Variants in GRIK4 observed in about 807,000 individuals in gnomAD.
The protein encoded by GRIK4 is glutamate ionotropic receptor kainate type subunit 4, also known as glutamate receptor ionotropic, kainate 4.
Under a neutral mutation model 104.9 loss-of-function variants are expected in GRIK4, and 40 were observed. The ratio of observed to expected loss-of-function variants is 0.38; its 90% CI spans 0.30 to 0.50. The LOEUF is 0.50. Ranked by LOEUF, GRIK4 falls within the 20% of genes least tolerant of loss-of-function variation. The probability of loss-of-function intolerance (pLI) is 0.93; values close to 1 mark genes in which losing one functional copy is unlikely to be tolerated. For synonymous variants in GRIK4, 485 were observed against 524.9 expected (o/e 0.92, Z 1.04); for missense variants, 1,047 against 1,308.1 (o/e 0.80, Z 3.08).
intron 1 of GRIK4, among the ~76,000 whole-genome samples, chr11:120,551,307 C>T (rs1348887328): frequency 1.3e-5 from 2 of 152,278 alleles, no homozygotes; most frequent in Middle Eastern, 3.4e-3. Context: ...TTCTCCTGCC[C>T]GCTTTTCACC....
intron 3 of GRIK4, 143 bp from the exon 4 acceptor site, chr11:120,802,550 G>T (rs1249086994): frequency 2.1e-5 from 15 of 698,828 alleles, no homozygotes; most frequent in Non-Finnish European, 3.0e-5. Context: ...TGTTCTGGGG[G>T]ACGGTTCTGA....
intron 9 of GRIK4, chr11:120,862,338 A>C: frequency 2.2e-6 from 1 of 462,870 alleles, no homozygotes; most frequent in Non-Finnish European, 3.8e-6. Flanking sequence ...GTGTAGAGGC[A>C]CTGAGTTGTC....
At chr11:120,795,848 AGTCCC>A (rs1344560291) in intron 3 of GRIK4, among the ~76,000 whole-genome samples, 2 of 152,108 alleles carry the variant, frequency 1.3e-5, no homozygotes, top group African/African-American at 4.8e-5. Flanking sequence ...GGGACACTCG[AGTCCC>A]TTGTGTAAAA....
intron 6 of GRIK4, among the ~76,000 whole-genome samples, chr11:120,824,245 G>T (rs747495209): frequency 2.6e-5 from 4 of 152,144 alleles, no homozygotes; most frequent in Non-Finnish European, 4.4e-5. Context: ...GGGAAAAAAA[G>T]AACATTTGCA....
chr11:120,904,299 C>G (rs1026799264), intron 12 of GRIK4, among the ~76,000 whole-genome samples: 1 of 152,168 alleles, frequency 6.6e-6, no homozygotes, highest in Non-Finnish European at 1.5e-5. Flanking sequence ...TCCAGGCATT[C>G]GAGCCCATCA....
intron 13 of GRIK4, chr11:120,936,081 C>A: frequency 4.5e-6 from 1 of 224,650 alleles, no homozygotes; most frequent in South Asian, 5.5e-5. Flanking sequence ...TCCTCCTCTT[C>A]ATCTTCCTTG....
chr11:120,956,708 C>A lies in GRIK4; in HGVS notation c.1701-72C>A. ...AGGCCGGTCTCAGAGGTGAGACCAG[C>A]CAGGAGAGCCTGCCTGTGTCCCTTC... is the stretch of plus-strand genomic sequence containing the variant. On this transcript the variant is annotated intron_variant, in intron 15 of 20. Transcript: ENST00000527524. This position sits in a 1 kb window ranked among gnomAD's most constrained non-coding sequence, Gnocchi z 4.6. 8.3e-7 allele frequency: 1 copy of A among 1,203,862 alleles called. No individual in the cohort carries two copies. The highest frequency in any genetic ancestry group is 2.3e-5 in the South Asian group (1 of 44,052). The allele number at this position is 1,203,862 out of a possible 1,614,324, so 74.6% of individuals were successfully genotyped here.
chr11:120,633,857 C>T (rs550085091), intron 1 of GRIK4, among the ~76,000 whole-genome samples: 3 of 152,056 alleles, frequency 2.0e-5, no homozygotes, highest in Non-Finnish European at 2.9e-5. Flanking sequence ...GCCCTGCTTG[C>T]GGCACATCTC....
intron 3 of GRIK4, among the ~76,000 whole-genome samples, chr11:120,738,029 C>A (rs1226154315): frequency 1.3e-5 from 2 of 152,126 alleles, no homozygotes; most frequent in Non-Finnish European, 2.9e-5. Context: ...ATAGATAGGG[C>A]AGACAGCCCA....
chr11:120,579,659 G>T (rs1318649458), intron 1 of GRIK4, among the ~76,000 whole-genome samples: 2 of 152,218 alleles, frequency 1.3e-5, no homozygotes, highest in African/African-American at 4.8e-5. Context: ...GCTGTAGGTT[G>T]GGTGAGAACT....
At chr11:120,876,302 CA>C (rs1954805729) in intron 11 of GRIK4, among the ~76,000 whole-genome samples, 1 of 142,984 alleles carries the variant, frequency 7.0e-6, no homozygotes, top group Non-Finnish European at 1.5e-5. Flanking sequence ...ACCACCACCA[CA>C]ACCACAAAAC....
At chr11:120,938,521 G>A (rs746510105) in intron 13 of GRIK4, among the ~76,000 whole-genome samples, 2 of 152,182 alleles carry the variant, frequency 1.3e-5, no homozygotes, top group Non-Finnish European at 2.9e-5. Flanking sequence ...GGGTTGAGGT[G>A]GAGAAGAAAC....
At chr11:120,709,823 C>CT (rs1950693661) in intron 3 of GRIK4, among the ~76,000 whole-genome samples, 1 of 152,110 alleles carries the variant, frequency 6.6e-6, no homozygotes, top group African/African-American at 2.4e-5. Flanking sequence ...GTGTAGAAGA[C>CT]AGAGTCCTGG....
At chr11:120,629,041 G>A (rs1418286240) in intron 1 of GRIK4, among the ~76,000 whole-genome samples, 1 of 152,262 alleles carries the variant, frequency 6.6e-6, no homozygotes. Context: ...GCACGCGGCC[G>A]CTGATGGAGC....
At chr11:120,685,800 C>T (rs1950266148) in intron 3 of GRIK4, among the ~76,000 whole-genome samples, 1 of 152,166 alleles carries the variant, frequency 6.6e-6, no homozygotes, top group Non-Finnish European at 1.5e-5. Context: ...CAGTCCTTCT[C>T]TTATTGCTAA....
intron 17 of GRIK4, 62 bp from the exon 18 acceptor site, chr11:120,962,394 C>A: frequency 1.7e-6 from 2 of 1,194,488 alleles, no homozygotes; most frequent in Non-Finnish European, 2.4e-6. Flanking sequence ...GATTCCCTCT[C>A]TTTTTAAGCC....
intron 3 of GRIK4, among the ~76,000 whole-genome samples, chr11:120,678,507 A>T (rs984312733): frequency 6.6e-5 from 10 of 152,210 alleles, no homozygotes; most frequent in African/African-American, 1.9e-4. Context: ...TTATTCAGCC[A>T]GCTAAGTGTA....
At chr11:120,743,689 C>T (rs1279228201) in intron 3 of GRIK4, among the ~76,000 whole-genome samples, 1 of 152,148 alleles carries the variant, frequency 6.6e-6, no homozygotes, top group Non-Finnish European at 1.5e-5. Context: ...GGTATTGTTG[C>T]AAAGATGGTG....
At chr11:120,898,464 A>G in intron 11 of GRIK4, 68 bp from the exon 12 acceptor site, 1 of 866,438 alleles carries the variant, frequency 1.2e-6, no homozygotes, top group South Asian at 1.4e-5. Context: ...GGCAGAGGTC[A>G]GCCTCTTGGC....
Sources: allele counts gnomAD v4.1 joint callset (sites outside exome capture counted in the v4.1 genomes callset), GRCh38; gene constraint gnomAD v4.1.1; non-coding constraint Gnocchi (gnomAD v3.1); transcripts MANE v1.5; gene names NCBI Gene and HGNC (gene_info 2026-07-23, HGNC 2026-07-21).